Variants in PCDHGA9 observed in about 807,000 individuals in gnomAD.
The protein encoded by PCDHGA9 is protocadherin gamma-A9.
PCDHGA9 carries 37 observed loss-of-function variants against 62.5 expected under a neutral mutation model. The ratio of observed to expected loss-of-function variants is 0.59; its 90% CI spans 0.46 to 0.78. The LOEUF (loss-of-function observed/expected upper bound fraction) is 0.78. PCDHGA9 is among the 30% of genes least tolerant of loss of function. The probability of loss-of-function intolerance (pLI) is 0.00; values close to 1 mark genes in which losing one functional copy is unlikely to be tolerated. For missense variants in PCDHGA9, 1,138 were observed against 1,166.2 expected, an observed-to-expected ratio of 0.98 and a Z score of 0.35; for synonymous variants, 459 against 484.6, an observed-to-expected ratio of 0.95 and a Z score of 0.69.
Position 141,408,151 on chromosome 5 carries a change from T to G in PCDHGA9, c.2424+2775T>G, listed in dbSNP as rs2154539780. ...CGAATGCTCTTTTAGCGCGGTAGAG[T>G]GCACTTTCTCCAACTGGAAAAGCGG... On this transcript the variant is annotated intron_variant, in intron 1 of 3. Transcript: ENST00000573521. 3.3e-6 allele frequency: 5 copies of G among 1,506,938 alleles called. No individual in the cohort carries two copies. In the East Asian group the frequency reaches 1.2e-4, roughly 37 times the overall value. 93.3% of individuals were successfully genotyped at this position (1,506,938 alleles called of 1,614,324 possible). A position where few individuals can be genotyped will look rare whatever the true frequency, so the allele number is the denominator to read the frequency against.
At chr5:141,419,962 G>A in intron 1 of PCDHGA9, 1 of 1,614,092 alleles carries the variant, frequency 6.2e-7, no homozygotes, top group African/African-American at 1.3e-5. Context: ...TGATTTCTGT[G>A]CTCTTTCTCC....
At chr5:141,416,982 T>C (rs191309825) in intron 1 of PCDHGA9, 25 of 152,264 alleles carry the variant, frequency 1.6e-4, no homozygotes, top group African/African-American at 5.5e-4. Context: ...GAGTCAAAAT[T>C]ATTGTGCATT....
At chr5:141,415,185 C>T (rs375113497) in intron 1 of PCDHGA9, 2 of 1,613,978 alleles carry the variant, frequency 1.2e-6, no homozygotes, top group Non-Finnish European at 8.5e-7. Flanking sequence ...CCGTGGCCGA[C>T]AGCATCCCCC....
intron 1 of PCDHGA9, among the ~76,000 whole-genome samples, chr5:141,453,518 C>G (rs1347368114): frequency 6.6e-6 from 1 of 152,114 alleles, no homozygotes; most frequent in African/African-American, 2.4e-5. Context: ...CATTCCTCCC[C>G]TATACCTTCT....
At chr5:141,500,672 C>A (rs2099801937) in intron 2 of PCDHGA9, among the ~76,000 whole-genome samples, 1 of 152,156 alleles carries the variant, frequency 6.6e-6, no homozygotes, top group South Asian at 2.1e-4. Context: ...TACTGTCCAA[C>A]AGAATTATAG....
intron 1 of PCDHGA9, among the ~76,000 whole-genome samples, chr5:141,483,525 A>G (rs1442825090): frequency 1.3e-5 from 2 of 152,126 alleles, no homozygotes; most frequent in African/African-American, 4.8e-5. Context: ...ATCCTGACTA[A>G]GGAAGCTGGG....
intron 1 of PCDHGA9, chr5:141,421,470 A>T: frequency 2.5e-6 from 4 of 1,614,130 alleles, no homozygotes; most frequent in Non-Finnish European, 3.4e-6. Context: ...TGAATCCGCG[A>T]AGCGGCAGCT....
At chr5:141,408,990 AAGTGAC>A (rs769374488) in intron 1 of PCDHGA9, 2 of 1,613,984 alleles carry the variant, frequency 1.2e-6, no homozygotes, top group Non-Finnish European at 1.7e-6. Flanking sequence ...CCTGTGTTGC[AAGTGAC>A]AGCCACTGAC....
At position 141,485,272 on chromosome 5, in the gene PCDHGA9, C is replaced by T. The variant is rs764196730; in HGVS notation, c.2425-9535C>T. The T allele has an allele frequency of 1.9e-6, 3 of 1,613,948 alleles. No homozygotes were observed. The highest frequency in any genetic ancestry group is 2.7e-5 in the African/African-American group (2 of 74,932). On this transcript the variant is annotated intron_variant, in intron 1 of 3. Transcript: ENST00000573521. The surrounding 1 kb of genome is among the most constrained non-coding windows in gnomAD (Gnocchi z 5.7). ...GTTACGTTTGTGGGCAGATCCGCTACCCGGTCCCAGAGGAGTCACAGGAAG... is the reference window on the plus strand; with the variant it reads ...GTTACGTTTGTGGGCAGATCCGCTATCCGGTCCCAGAGGAGTCACAGGAAG...
intron 1 of PCDHGA9, among the ~76,000 whole-genome samples, chr5:141,425,699 G>A (rs535043616): frequency 6.6e-6 from 1 of 152,260 alleles, no homozygotes; most frequent in Non-Finnish European, 1.5e-5. Context: ...ATTTCATAGT[G>A]GTCAAAATTT....
rs1416883218 is a variant in PCDHGA9, at chr5:141,428,027, G to A, written c.2424+22651G>A. On this transcript the variant is annotated intron_variant, in intron 1 of 3. Coordinates refer to ENST00000573521, the MANE Select transcript of PCDHGA9 (RefSeq NM_018921.3). ...TCGATATAGTGCCACGCGCCGCAGAGTCCGGCTACCTGGTGACCAAGGTGG... is the reference window on the plus strand; with the variant it reads ...TCGATATAGTGCCACGCGCCGCAGAATCCGGCTACCTGGTGACCAAGGTGG... 1.9e-6 allele frequency: 3 copies of A among 1,606,742 alleles called. No homozygotes were observed. The Admixed American group carries it at 5.0e-5, about 27-fold the overall frequency.
rs529787438 is a variant in PCDHGA9 at position 141,470,330 on chromosome 5, G to A, written c.2425-24477G>A. Among the ~76,000 whole-genome samples the A allele has an allele frequency of 3.3e-4, 50 of 152,144 alleles. 1 individual carries two copies. The highest frequency in any genetic ancestry group is 1.1e-3 in the African/African-American group (47 of 41,498). ...TTTTCCTCAAATGATCCCATAATTT[G>A]ACCTTAGGAAGCTGTTCAAATAGAC... On this transcript the variant is annotated intron_variant, in intron 1 of 3. Coordinates refer to ENST00000573521, the MANE Select transcript of PCDHGA9 (RefSeq NM_018921.3).
In PCDHGA9 at chr5:141,485,624, C is replaced by T; in HGVS notation, c.2425-9183C>T. 1 of 1,611,640 alleles carries T rather than the reference C, an allele frequency of 6.2e-7. No homozygotes were observed. The highest frequency in any genetic ancestry group is 1.1e-5 in the South Asian group (1 of 90,868). The stretch of plus-strand genomic sequence containing the variant: ...TGGGGAGGCAGCTCCTCCAGGACAG[C>T]GTTTCCCGTTGGAAAAGGCTCAGGA... On this transcript the variant is annotated intron_variant, in intron 1 of 3. Transcript: ENST00000573521. This position sits in a 1 kb window ranked among gnomAD's most constrained non-coding sequence, Gnocchi z 5.7.
At chr5:141,462,584 A>C (rs959398950) in intron 1 of PCDHGA9, among the ~76,000 whole-genome samples, 1 of 152,124 alleles carries the variant, frequency 6.6e-6, no homozygotes, top group African/African-American at 2.4e-5. Context: ...CATCCAGTGA[A>C]GTTTCCATTT....
At chr5:141,459,165 C>T (rs1418626354) in intron 1 of PCDHGA9, among the ~76,000 whole-genome samples, 2 of 152,130 alleles carry the variant, frequency 1.3e-5, no homozygotes, top group African/African-American at 4.8e-5. Context: ...ATTTCTATAA[C>T]CTTCAAAAGT....
chr5:141,414,152 A>T, intron 1 of PCDHGA9: 1 of 1,600,994 alleles, frequency 6.2e-7, no homozygotes, highest in Non-Finnish European at 8.5e-7. Flanking sequence ...ATACAAGCAG[A>T]AGATGGAGGA....
chr5:141,499,582 T>C (rs952280239), intron 2 of PCDHGA9, among the ~76,000 whole-genome samples: 7 of 152,164 alleles, frequency 4.6e-5, no homozygotes, highest in African/African-American at 7.2e-5. Flanking sequence ...TAATGCCTTA[T>C]CTTGTTTCAC....
chr5:141,459,090 A>G (rs769066156), intron 1 of PCDHGA9, among the ~76,000 whole-genome samples: 4 of 152,218 alleles, frequency 2.6e-5, no homozygotes, highest in Non-Finnish European at 4.4e-5. Flanking sequence ...TTAAAATTAT[A>G]CAGTGCAATG....
chr5:141,421,642 G>A, intron 1 of PCDHGA9: 1 of 1,613,850 alleles, frequency 6.2e-7, no homozygotes, highest in South Asian at 1.1e-5. Flanking sequence ...GGAGGACGAA[G>A]TGGAGATAAA....
Sources: allele counts gnomAD v4.1 joint callset (sites outside exome capture counted in the v4.1 genomes callset), GRCh38; gene constraint gnomAD v4.1.1; non-coding constraint Gnocchi (gnomAD v3.1); transcripts MANE v1.5; gene names NCBI Gene and HGNC (gene_info 2026-07-23, HGNC 2026-07-21).